The following BLMH variants were observed in gnomAD, a reference collection of about 807,000 sequenced individuals.
The protein encoded by BLMH is bleomycin hydrolase.
BLMH carries 32 observed loss-of-function variants against 61.6 expected under a neutral mutation model. That is an observed-to-expected ratio of 0.52 (90% CI 0.39 to 0.70). The LOEUF (loss-of-function observed/expected upper bound fraction) is 0.70. BLMH is among the 30% of genes least tolerant of loss of function. The pLI is 0.00. For missense variants in BLMH, 460 were observed against 555.5 expected, an observed-to-expected ratio of 0.83 and a Z score of 1.73; for synonymous variants, 183 against 193.8, an observed-to-expected ratio of 0.94 and a Z score of 0.46.
chr17:30,254,586 A>G (rs545473719), intron 11 of BLMH, among the ~76,000 whole-genome samples: 75 of 152,294 alleles, frequency 4.9e-4, no homozygotes, highest in Non-Finnish European at 9.3e-4. Flanking sequence ...ACAAATATAG[A>G]TGCACATGAA....
At position 30,274,305 on chromosome 17, in the gene BLMH, T is replaced by C. The variant is rs552170159; in HGVS notation, c.646-108A>G. 6.1e-5 allele frequency: 79 copies of C among 1,293,906 alleles called. No individual in the cohort carries two copies. The Admixed American group carries it at 1.5e-3, about 25-fold the overall frequency. 80.2% of individuals were successfully genotyped at this position (1,293,906 alleles called of 1,614,324 possible). On this transcript the variant is annotated intron_variant, in intron 6 of 11. Transcript: ENST00000261714. ...GAAACACAAGAAGTTAGTGGCTAAA[T>C]TCAAGCTAAAAATTTCACAAGAAAT...
chr17:30,258,227 A>G (rs1907867891), intron 11 of BLMH, among the ~76,000 whole-genome samples: 1 of 152,034 alleles, frequency 6.6e-6, no homozygotes, highest in South Asian at 2.1e-4. Context: ...TGTTTAAAAA[A>G]AAAAAAGCCA....
At chr17:30,251,967 A>C (rs749957407) in intron 11 of BLMH, 12 of 152,226 alleles carry the variant, frequency 7.9e-5, no homozygotes, top group Non-Finnish European at 1.6e-4. Context: ...ATATTATGTA[A>C]AAAAATATTT....
At chr17:30,266,223 T>G (rs922892912) in intron 11 of BLMH, among the ~76,000 whole-genome samples, 1 of 152,044 alleles carries the variant, frequency 6.6e-6, no homozygotes, top group Non-Finnish European at 1.5e-5. Context: ...AGAGTACTGA[T>G]GTAGTAGATG....
chr17:30,267,025 G>T, intron 10 of BLMH, 71 bp from the exon 11 acceptor site: 3 of 1,460,312 alleles, frequency 2.1e-6, no homozygotes, highest in Non-Finnish European at 2.9e-6. Flanking sequence ...TATAATTTTA[G>T]CTCTTCTGTA....
chr17:30,276,689 C>T (rs1027808334), intron 6 of BLMH, among the ~76,000 whole-genome samples: 2 of 152,202 alleles, frequency 1.3e-5, no homozygotes, highest in African/African-American at 4.8e-5. Context: ...ACTCCGTGAC[C>T]TAATTCCTTT....
intron 11 of BLMH, among the ~76,000 whole-genome samples, chr17:30,261,521 A>G (rs1907959174): frequency 6.6e-6 from 1 of 152,230 alleles, no homozygotes; most frequent in South Asian, 2.1e-4. Flanking sequence ...ACATTATTTC[A>G]TTTGATGGCT....
Position 30,286,784 on chromosome 17 carries a change from C to T in BLMH, c.552+30G>A, listed in dbSNP as rs775371116. On this transcript the variant is annotated intron_variant, in intron 5 of 11. Coordinates refer to ENST00000261714, the MANE Select transcript of BLMH (RefSeq NM_000386.4). ...TAAGTTTGAAGGAAAGTACACTAAA[C>T]TCAATCCCACCCTGCTTCATATATT... The T allele has an allele frequency of 3.3e-6, 5 of 1,501,552 alleles. No individual in the cohort carries two copies. The South Asian group carries it at 5.7e-5, about 17-fold the overall frequency. The allele number at this position is 1,501,552 out of a possible 1,614,324, so 93.0% of individuals were successfully genotyped here. A position where few individuals can be genotyped will look rare whatever the true frequency, so the allele number is the denominator to read the frequency against.
chr17:30,248,331 A>C lies in BLMH; in HGVS notation c.*686T>G, dbSNP rs1439188429. ...GGCAGAAGTTAAACCATTTGGCTAG[A>C]GTTCCCCCTAATGATTATGACTGAG... On this transcript the variant is annotated 3_prime_UTR_variant, in exon 12 of 12. Coordinates refer to ENST00000261714, the MANE Select transcript of BLMH (RefSeq NM_000386.4). 1 of 152,424 alleles carries C rather than the reference A, an allele frequency of 6.6e-6. No homozygotes were observed. The highest frequency in any genetic ancestry group is 1.5e-5 in the Non-Finnish European group (1 of 68,032). 9.4% of individuals were successfully genotyped at this position (152,424 alleles called of 1,614,324 possible). A position where few individuals can be genotyped will look rare whatever the true frequency, so the allele number is the denominator to read the frequency against.
chr17:30,252,312 G>A (rs1907689686), intron 11 of BLMH: 2 of 152,008 alleles, frequency 1.3e-5, no homozygotes, highest in African/African-American at 4.8e-5. Context: ...CAATTGATTT[G>A]GTGAAGTCAT....
rs1272339753 is a variant in BLMH at position 30,291,913 on chromosome 17, C to G, written c.-94G>C. ...GCGGCTCGCTGCCTAGGGGGCCCGA[C>G]CTGTCTCTCGCACCCGGAGCGCCGG... On this transcript the variant is annotated 5_prime_UTR_variant, in exon 1 of 12. Coordinates refer to ENST00000261714, the MANE Select transcript of BLMH (RefSeq NM_000386.4). 6 of 1,242,688 alleles carry G rather than the reference C, an allele frequency of 4.8e-6. No homozygotes were observed. In the African/African-American group the frequency reaches 9.4e-5, roughly 19 times the overall value. 77.0% of individuals were successfully genotyped at this position (1,242,688 alleles called of 1,614,324 possible). A position where few individuals can be genotyped will look rare whatever the true frequency, so the allele number is the denominator to read the frequency against.
chr17:30,258,000 T>C (rs1907860951), intron 11 of BLMH, among the ~76,000 whole-genome samples: 1 of 152,164 alleles, frequency 6.6e-6, no homozygotes, highest in Non-Finnish European at 1.5e-5. Context: ...TTGTATCTTT[T>C]ATTTATTTAT....
chr17:30,273,164 A>AT, intron 7 of BLMH: 3 of 316,182 alleles, frequency 9.5e-6, no homozygotes, highest in Middle Eastern at 8.9e-4. Context: ...CTCCAAAAGC[A>AT]ATTTTTTTTT....
At chr17:30,291,206 G>A (rs141263014) in intron 2 of BLMH, 105 bp downstream of exon 2, 4 of 1,369,876 alleles carry the variant, frequency 2.9e-6, no homozygotes, top group East Asian at 2.3e-5. Context: ...ACGAATTTAC[G>A]ACCAGTTCTT....
intron 6 of BLMH, among the ~76,000 whole-genome samples, chr17:30,280,726 C>A (rs1908563410): frequency 6.6e-6 from 1 of 152,158 alleles, no homozygotes; most frequent in Non-Finnish European, 1.5e-5. Context: ...GATCCTCCTG[C>A]CTTGGCCTCC....
intron 9 of BLMH, 99 bp downstream of exon 9, chr17:30,272,462 A>G: frequency 7.3e-7 from 1 of 1,369,826 alleles, no homozygotes; most frequent in Non-Finnish European, 1.0e-6. Context: ...GTCAACCTTC[A>G]TCTTTGGATG....
rs531034143 is a variant in BLMH at position 30,279,376 on chromosome 17, T to C, written c.646-5179A>G. Among the ~76,000 whole-genome samples, 78 of 152,346 alleles carry C rather than the reference T, an allele frequency of 5.1e-4. 1 individual carries two copies. Among genetic ancestry groups the C allele is most frequent in the African/African-American group, 1.8e-3 (73 of 41,592 alleles). ...CAAGGGAAGCTACACTGAGTGCATC[T>C]GTACTTGCCTCTTGGGGCCATTTGT... On this transcript the variant is annotated intron_variant, in intron 6 of 11. Coordinates refer to ENST00000261714, the MANE Select transcript of BLMH (RefSeq NM_000386.4).
At chr17:30,274,689 T>C (rs1354228044) in intron 6 of BLMH, among the ~76,000 whole-genome samples, 1 of 152,126 alleles carries the variant, frequency 6.6e-6, no homozygotes, top group Non-Finnish European at 1.5e-5. Context: ...AAAGTATTAC[T>C]AGAAGAGGAG....
chr17:30,266,748 C>A, intron 11 of BLMH, 137 bp downstream of exon 11: 1 of 778,998 alleles, frequency 1.3e-6, no homozygotes, highest in East Asian at 2.7e-5. Flanking sequence ...ATCAGATCCT[C>A]AGATTTTTCT....
Sources: gnomAD v4.1 joint callset for allele counts (sites outside exome capture counted in the v4.1 genomes callset) on GRCh38, gnomAD v4.1.1 for gene constraint, MANE v1.5 for transcripts, NCBI Gene and HGNC (gene_info 2026-07-23, HGNC 2026-07-21) for gene names.